LNX2: variants seen among roughly 807,000 people sequenced by gnomAD.
LNX2 encodes ligand of Numb protein X 2.
A neutral mutation model predicts 66.2 loss-of-function variants in LNX2; 35 were observed. The ratio of observed to expected loss-of-function variants is 0.53; its 90% CI spans 0.40 to 0.70. LNX2 has a LOEUF of 0.70. Ranked by LOEUF, LNX2 falls within the 30% of genes least tolerant of loss-of-function variation. LNX2 has a pLI of 0.00. For missense variants in LNX2, 791 were observed against 850.8 expected (o/e 0.93, Z 0.87); for synonymous variants, 337 against 315.6 (o/e 1.07, Z -0.72).
chr13:27,564,570 G>C (rs1359309002), intron 4 of LNX2, among the ~76,000 whole-genome samples: 2 of 151,928 alleles, frequency 1.3e-5, no homozygotes, highest in African/African-American at 4.8e-5. Context: ...AACTCTAAGA[G>C]TAGCAAAAAG....
At position 27,553,445 on chromosome 13, in the gene LNX2, C is replaced by T. The variant is rs1476579561; in HGVS notation, c.1547-6G>A. On this transcript the variant is annotated splice_polypyrimidine_tract_variant and splice_region_variant and intron_variant, in intron 7 of 9. Coordinates refer to ENST00000316334, the MANE Select transcript of LNX2 (RefSeq NM_153371.4). ...GATATTTAGCAACACATCACCTGTT[C>T]AGATGAAGAAACAAGAAAAATGAGC... 3 of 1,608,000 alleles carry T rather than the reference C, an allele frequency of 1.9e-6. No homozygotes were observed. Among genetic ancestry groups the T allele is most frequent in the East Asian group, 2.2e-5 (1 of 44,838 alleles).
chr13:27,586,257 G>C (rs1176582425), intron 1 of LNX2, among the ~76,000 whole-genome samples: 1 of 152,074 alleles, frequency 6.6e-6, no homozygotes, highest in Admixed American at 6.6e-5. Context: ...ATAGCATATA[G>C]TTACTTAGTA....
chr13:27,548,150 A>C lies in LNX2; in HGVS notation c.*185T>G. ...GTTAGTGGAAGACTGTTTCCAAGCTAAAAGAAATGTAACTAACTTAGGAAA... is the reference window on the plus strand; with the variant it reads ...GTTAGTGGAAGACTGTTTCCAAGCTCAAAGAAATGTAACTAACTTAGGAAA... On this transcript the variant is annotated 3_prime_UTR_variant, in exon 10 of 10. Coordinates refer to ENST00000316334, the MANE Select transcript of LNX2 (RefSeq NM_153371.4). The C allele has an allele frequency of 1.8e-6, 1 of 562,718 alleles. No homozygotes were observed. Among genetic ancestry groups the C allele is most frequent in the Admixed American group, 3.5e-5 (1 of 28,972 alleles). The allele number at this position is 562,718 out of a possible 1,614,324, so 34.9% of individuals were successfully genotyped here. A position where few individuals can be genotyped will look rare whatever the true frequency, so the allele number is the denominator to read the frequency against.
intron 1 of LNX2, among the ~76,000 whole-genome samples, chr13:27,605,210 T>C (rs1209356474): frequency 6.6e-6 from 1 of 152,180 alleles, no homozygotes; most frequent in Non-Finnish European, 1.5e-5. Context: ...ATGTAACTAT[T>C]CCTTTCTCTA....
rs368444726 is a variant in LNX2 at position 27,581,559 on chromosome 13, C to G, written c.145G>C (p.Val49Leu). ...NYQNEVDDDL[V>L]CHICLQPLLQ... ...AGAGGTTGAAGGCAAATATGGCAGA[C>G]TAGGTCATCATCCACTTCATTCTGG... is the stretch of plus-strand genomic sequence containing the variant. The change falls in exon 2 of 10, where the codon GTC becomes CTC. Residue 49 changes from valine to leucine, a missense_variant. Val to Leu is a conservative substitution (Grantham distance 32, BLOSUM62 1). Coordinates refer to ENST00000316334, the MANE Select transcript of LNX2 (RefSeq NM_153371.4). 5.0e-6 allele frequency: 8 copies of G among 1,614,234 alleles called. No homozygotes were observed. Among genetic ancestry groups the G allele is most frequent in the Non-Finnish European group, 6.8e-6 (8 of 1,180,038 alleles).
intron 8 of LNX2, among the ~76,000 whole-genome samples, chr13:27,551,094 A>G (rs75979268): frequency 0.15 from 23,120 of 152,142 alleles, 2,249 homozygotes; most frequent in East Asian, 0.28. Context: ...AATCAATCTG[A>G]AAAACACTAA....
rs77343553 is a variant in LNX2, at chr13:27,585,441, T to A, written c.-100-3638A>T. ...TGTCTCAAAAAGGAAAAAAATAAAA[T>A]AAATAAATAAATATATAAAAATAAT... On this transcript the variant is annotated intron_variant, in intron 1 of 9. Transcript: ENST00000316334. Among the ~76,000 whole-genome samples, 888 of 151,072 alleles carry A rather than the reference T, an allele frequency of 5.9e-3. 60 individuals carry two copies. The East Asian group carries it at 0.15, about 26-fold the overall frequency.
Position 27,548,371 on chromosome 13 carries a change from A to T in LNX2, c.2037T>A (p.Thr679=), listed in dbSNP as rs754723112. The change falls in exon 10 of 10, where the codon ACT becomes ACA. Residue 679 remains threonine, a synonymous_variant. Transcript: ENST00000316334. ...TGCCAGGCCAACAAATAACGGTCAG[A>T]GTGACTTTGTTCCTCTGCTCCTTCA... ...PMLKEQRNKV[T]LTVICWPGSL... is the part of the protein sequence containing the mutation. The T allele has an allele frequency of 6.2e-7, 1 of 1,614,126 alleles. No individual in the cohort carries two copies. Among genetic ancestry groups the T allele is most frequent in the East Asian group, 2.2e-5 (1 of 44,884 alleles).
At chr13:27,550,980 A>G (rs1275768673) in intron 8 of LNX2, among the ~76,000 whole-genome samples, 1 of 152,228 alleles carries the variant, frequency 6.6e-6, no homozygotes, top group Admixed American at 6.5e-5. Flanking sequence ...TCTCTTTTCT[A>G]AAGGTCCTAT....
chr13:27,550,310 T>C (rs1374350966), intron 9 of LNX2, 23 bp downstream of exon 9: 1 of 1,602,400 alleles, frequency 6.2e-7, no homozygotes, highest in Admixed American at 1.7e-5. Context: ...ATGAATCACA[T>C]CATTAATTAG....
At chr13:27,577,374 A>G (rs9507913) in intron 2 of LNX2, among the ~76,000 whole-genome samples, 83,192 of 152,010 alleles carry the variant, frequency 0.55, 23,001 homozygotes, top group Middle Eastern at 0.65. Context: ...GTGAATTTAA[A>G]AGTGCAATCA....
intron 1 of LNX2, among the ~76,000 whole-genome samples, chr13:27,609,074 T>C (rs1449159544): frequency 1.3e-5 from 2 of 152,166 alleles, no homozygotes; most frequent in East Asian, 3.8e-4. Flanking sequence ...ATTACAGGCA[T>C]AAGCCACTGC....
At chr13:27,584,493 C>T (rs1169274165) in intron 1 of LNX2, among the ~76,000 whole-genome samples, 1 of 151,646 alleles carries the variant, frequency 6.6e-6, no homozygotes, top group African/African-American at 2.4e-5. Context: ...GTGAGGCCAG[C>T]CTGGCAACAT....
chr13:27,598,204 TA>T (rs10634128), intron 1 of LNX2, among the ~76,000 whole-genome samples: 133 of 138,892 alleles, frequency 9.6e-4, no homozygotes, highest in East Asian at 2.5e-3. Flanking sequence ...CAGCACTGTT[TA>T]AAAAAAAAAA....
chr13:27,585,850 A>G (rs1955479244), intron 1 of LNX2, among the ~76,000 whole-genome samples: 1 of 152,118 alleles, frequency 6.6e-6, no homozygotes, highest in African/African-American at 2.4e-5. Context: ...AGACGATTAT[A>G]TTTTAGCTAC....
At chr13:27,583,596 C>G (rs866530132) in intron 1 of LNX2, among the ~76,000 whole-genome samples, 2 of 152,068 alleles carry the variant, frequency 1.3e-5, no homozygotes, top group African/African-American at 4.8e-5. Flanking sequence ...CAGGGTAGCG[C>G]GAGCCTAGCC....
chr13:27,585,750 T>G (rs936079816), intron 1 of LNX2, among the ~76,000 whole-genome samples: 1 of 151,808 alleles, frequency 6.6e-6, no homozygotes, highest in African/African-American at 2.4e-5. Context: ...TTTTTACCCC[T>G]CTTTGTGATA....
chr13:27,553,746 CAGGT>C (rs1302533475), intron 7 of LNX2, among the ~76,000 whole-genome samples: 1 of 152,136 alleles, frequency 6.6e-6, no homozygotes, highest in African/African-American at 2.4e-5. Flanking sequence ...AGGCCCTGGG[CAGGT>C]TCATTTCTCT....
intron 1 of LNX2, among the ~76,000 whole-genome samples, chr13:27,593,038 T>A (rs146278006): frequency 6.6e-6 from 1 of 152,290 alleles, no homozygotes; most frequent in East Asian, 1.9e-4. Flanking sequence ...GAAATTTGTA[T>A]CTTGGTAGGA....
Sources: gnomAD v4.1 joint callset for allele counts (sites outside exome capture counted in the v4.1 genomes callset) on GRCh38, gnomAD v4.1.1 for gene constraint, MANE v1.5 for transcripts, NCBI Gene and HGNC (gene_info 2026-07-23, HGNC 2026-07-21) for gene names.